ABCA13: variants seen among roughly 807,000 people sequenced by gnomAD.
ABCA13 encodes ATP-binding cassette sub-family A member 13.
A neutral mutation model predicts 478.7 loss-of-function variants in ABCA13; 476 were observed. The observed-to-expected ratio is 0.99, with a 90% CI of 0.92 to 1.07. ABCA13 has a LOEUF of 1.07. Among genes scored for constraint, ABCA13 ranks in the 50% least tolerant of loss-of-function variants. The pLI, the probability that ABCA13 is intolerant of heterozygous loss-of-function variation, is 0.00. For missense variants in ABCA13, 6,060 were observed against 5,910.6 expected (o/e 1.03, Z -0.83); for synonymous variants, 2,252 against 2,158.9 (o/e 1.04, Z -1.20).
chr7:48,411,039 CT>C (rs976228457), intron 40 of ABCA13, among the ~76,000 whole-genome samples: 1 of 98,562 alleles, frequency 1.0e-5, no homozygotes, highest in South Asian at 2.8e-4. Flanking sequence ...TTCTTTCTTT[CT>C]TTCTTTCTTT....
intron 35 of ABCA13, among the ~76,000 whole-genome samples, chr7:48,379,297 C>T (rs930427055): frequency 4.6e-5 from 7 of 152,120 alleles, no homozygotes; most frequent in African/African-American, 1.2e-4. Context: ...AATTGCCAGA[C>T]ACTACTGATG....
At chr7:48,558,545 G>A (rs1250540597) in intron 55 of ABCA13, among the ~76,000 whole-genome samples, 1 of 152,066 alleles carries the variant, frequency 6.6e-6, no homozygotes, top group Admixed American at 6.6e-5. Flanking sequence ...TGATCTACCT[G>A]CCTTGGCCTC....
At chr7:48,368,137 G>A (rs1312357689) in intron 32 of ABCA13, among the ~76,000 whole-genome samples, 2 of 152,100 alleles carry the variant, frequency 1.3e-5, no homozygotes, top group South Asian at 2.1e-4. Flanking sequence ...CCAAAGAATA[G>A]CCACATGAGA....
intron 57 of ABCA13, among the ~76,000 whole-genome samples, chr7:48,593,469 TAA>T: frequency 6.6e-6 from 1 of 152,110 alleles, no homozygotes; most frequent in East Asian, 1.9e-4. Context: ...GTATTTCCAT[TAA>T]AAAATTATTA....
At chr7:48,590,823 AATT>A (rs1015185989) in intron 57 of ABCA13, among the ~76,000 whole-genome samples, 2 of 151,874 alleles carry the variant, frequency 1.3e-5, no homozygotes, top group Non-Finnish European at 2.9e-5. Flanking sequence ...GTCTATTTTT[AATT>A]ATTATTATTT....
chr7:48,367,118 T>G (rs1222237175), intron 31 of ABCA13, among the ~76,000 whole-genome samples: 1 of 151,942 alleles, frequency 6.6e-6, no homozygotes, highest in Non-Finnish European at 1.5e-5. Context: ...TAAAGGCAGG[T>G]AAAGGAGAAG....
At chr7:48,632,469 T>C (rs1794248714) in intron 59 of ABCA13, among the ~76,000 whole-genome samples, 1 of 152,218 alleles carries the variant, frequency 6.6e-6, no homozygotes, top group African/African-American at 2.4e-5. Context: ...TTTCGTGTCA[T>C]ATCCAAGGAT....
chr7:48,271,723 G>T, intron 16 of ABCA13, 64 bp from the exon 17 acceptor site: 1 of 1,043,612 alleles, frequency 9.6e-7, no homozygotes, highest in Non-Finnish European at 1.3e-6. Flanking sequence ...GTATTAACTT[G>T]GAAATTTGAT....
chr7:48,627,194 T>C (rs1354571824), intron 59 of ABCA13: 17 of 415,860 alleles, frequency 4.1e-5, no homozygotes, highest in Non-Finnish European at 5.2e-5. Flanking sequence ...ATTTAAGCAG[T>C]TGGCCCCAAA....
chr7:48,513,580 A>G (rs1831877334), intron 51 of ABCA13, among the ~76,000 whole-genome samples: 1 of 152,308 alleles, frequency 6.6e-6, no homozygotes, highest in South Asian at 2.1e-4. Context: ...TCCACAAAGC[A>G]TGGGGAAGCG....
At chr7:48,359,580 A>G (rs1162637418) in intron 31 of ABCA13, among the ~76,000 whole-genome samples, 1 of 151,846 alleles carries the variant, frequency 6.6e-6, no homozygotes, top group Non-Finnish European at 1.5e-5. Context: ...CTGTCTCCCC[A>G]TGGTTGATGT....
intron 18 of ABCA13, among the ~76,000 whole-genome samples, chr7:48,280,999 A>T (rs1247389847): frequency 1.3e-5 from 2 of 152,136 alleles, no homozygotes; most frequent in African/African-American, 4.8e-5. Flanking sequence ...TCAGTTCTCC[A>T]CAGAGGGAGT....
Position 48,288,015 on chromosome 7 carries a change from T to C in ABCA13, c.8892T>C (p.Asn2964=). The C allele has an allele frequency of 6.2e-7, 1 of 1,614,004 alleles. No homozygotes were observed. Among genetic ancestry groups the C allele is most frequent in the South Asian group, 1.1e-5 (1 of 91,084 alleles). Residue 2964 remains asparagine, a synonymous_variant, in exon 20 of 62, where the codon AAT becomes AAC. Transcript: ENST00000435803. The stretch of plus-strand genomic sequence containing the variant: ...GTGCTACTCTGAGTTGCAAGCAAAA[T>C]GGGATAAGGCATCTCATTTTATCTG... ...ILCATLSCKQ[N]GIRHLILSAI...
chr7:48,348,500 T>A (rs1045493849), intron 29 of ABCA13, among the ~76,000 whole-genome samples: 1 of 152,246 alleles, frequency 6.6e-6, no homozygotes, highest in Non-Finnish European at 1.5e-5. Flanking sequence ...TATTTTCTTC[T>A]CACTGATTTT....
chr7:48,365,620 C>G (rs996524269), intron 31 of ABCA13, among the ~76,000 whole-genome samples: 1 of 152,124 alleles, frequency 6.6e-6, no homozygotes, highest in Non-Finnish European at 1.5e-5. Flanking sequence ...GCTCTAGTTT[C>G]ATTCTTCTGC....
At chr7:48,552,092 T>C (rs1391431842) in intron 55 of ABCA13, among the ~76,000 whole-genome samples, 1 of 151,948 alleles carries the variant, frequency 6.6e-6, no homozygotes, top group Non-Finnish European at 1.5e-5. Context: ...CATAGTTTTG[T>C]TTTTAATTTA....
At chr7:48,634,902 G>C (rs115612043) in intron 59 of ABCA13, among the ~76,000 whole-genome samples, 2,393 of 152,100 alleles carry the variant, frequency 0.016, 52 homozygotes, top group African/African-American at 0.054. Flanking sequence ...TTACCCACAC[G>C]CAGCTGGTAA....
Position 48,309,937 on chromosome 7 carries a change from T to A in ABCA13, c.9322-10T>A. On this transcript the variant is annotated splice_polypyrimidine_tract_variant and intron_variant, in intron 23 of 61. Transcript: ENST00000435803. ...GTATACTCACCTCTAATCTCTGTGCTTTGAAACAGGTTCTCTTCAGTGCCC... is the reference window on the plus strand; with the variant it reads ...GTATACTCACCTCTAATCTCTGTGCATTGAAACAGGTTCTCTTCAGTGCCC... 6.2e-7 allele frequency: 1 copy of A among 1,613,832 alleles called. No homozygotes were observed.
At chr7:48,620,029 T>C (rs1263175395) in intron 59 of ABCA13, among the ~76,000 whole-genome samples, 2 of 152,012 alleles carry the variant, frequency 1.3e-5, no homozygotes, top group African/African-American at 4.8e-5. Flanking sequence ...GGAAGTGAAG[T>C]AGGAATCAGG....
Sources: gnomAD v4.1 joint callset for allele counts (sites outside exome capture counted in the v4.1 genomes callset) on GRCh38, gnomAD v4.1.1 for gene constraint, MANE v1.5 for transcripts, NCBI Gene and HGNC (gene_info 2026-07-23, HGNC 2026-07-21) for gene names.